Variants in PSMB3 observed in about 807,000 individuals in gnomAD.
The protein encoded by PSMB3 is proteasome subunit beta type-3.
A neutral mutation model predicts 23.3 loss-of-function variants in PSMB3; 5 were observed. That is an observed-to-expected ratio of 0.21 (90% CI 0.11 to 0.45). PSMB3 has a LOEUF of 0.45. Among genes scored for constraint, PSMB3 ranks in the 20% least tolerant of loss-of-function variants. PSMB3 has a pLI of 0.99. For missense variants in PSMB3, 192 were observed against 277.9 expected, an observed-to-expected ratio of 0.69 and a Z score of 2.20; for synonymous variants, 85 against 99.8, an observed-to-expected ratio of 0.85 and a Z score of 0.88.
Position 38,755,880 on chromosome 17 carries a change from C to A in PSMB3, c.189-3C>A, listed in dbSNP as rs1199370440. 1.2e-6 allele frequency: 2 copies of A among 1,613,354 alleles called. No individual in the cohort carries two copies. The highest frequency in any genetic ancestry group is 1.7e-6 in the Non-Finnish European group (2 of 1,179,394). On this transcript the variant is annotated splice_polypyrimidine_tract_variant and splice_region_variant and intron_variant, in intron 2 of 5. Coordinates refer to ENST00000619426, the MANE Select transcript of PSMB3 (RefSeq NM_002795.4). Reference sequence around the variant, plus strand: ...TTACTAACTCACTTTTCTCCTACCTCAGTGCCCAGCGCCTCAAGTTCCGGC... The same window carrying A: ...TTACTAACTCACTTTTCTCCTACCTAAGTGCCCAGCGCCTCAAGTTCCGGC...
At chr17:38,763,225 G>A (rs529790080) in intron 5 of PSMB3, among the ~76,000 whole-genome samples, 3 of 151,916 alleles carry the variant, frequency 2.0e-5, no homozygotes, top group African/African-American at 4.8e-5. Flanking sequence ...GTGGTGTCAC[G>A]TGCCTGTAAT....
rs1327176819 is a variant in PSMB3 at position 38,753,324 on chromosome 17, G to C, written c.178G>C (p.Val60Leu). Residue 60 changes from valine to leucine, a missense_variant, in exon 2 of 6, where the codon GTC becomes CTC. By Grantham distance (32) the Val-to-Leu change is conservative. Transcript: ENST00000619426. ...YIGLAGLATD[V>L]QTVAQRLKFR... ...CGGTCTGGCCGGGCTCGCCACTGAC[G>C]TCCAGACAGTGTAAGTTTCAAGGGT... 2 of 1,613,736 alleles carry C rather than the reference G, an allele frequency of 1.2e-6. No individual in the cohort carries two copies. The highest frequency in any genetic ancestry group is 8.5e-7 in the Non-Finnish European group (1 of 1,179,836).
rs767793578 is a variant in PSMB3, at chr17:38,764,215, CCTGT to C, written c.*51_*54del. 37 of 1,571,570 alleles carry C rather than the reference CCTGT, an allele frequency of 2.4e-5. No homozygotes were observed. The highest frequency in any genetic ancestry group is 2.3e-4 in the Admixed American group (13 of 55,402). ...TTTTTCTTTTTTTGAAATAAAATAGCCTGTCTTTCACTCCTGCTTTTGTCTTTGA... is the reference window on the plus strand; with the variant it reads ...TTTTTCTTTTTTTGAAATAAAATAGCCTTTCACTCCTGCTTTTGTCTTTGA... On this transcript the variant is annotated 3_prime_UTR_variant, in exon 6 of 6. Transcript: ENST00000619426.
chr17:38,753,443 T>C (rs1046429589), intron 2 of PSMB3, 109 bp downstream of exon 2: 6 of 1,188,848 alleles, frequency 5.0e-6, no homozygotes, highest in South Asian at 3.1e-5. Context: ...ACCAGTGAGT[T>C]TGAGACTTTG....
intron 2 of PSMB3, 144 bp downstream of exon 2, chr17:38,753,478 CCTTT>C: frequency 1.2e-6 from 1 of 836,822 alleles, no homozygotes; most frequent in Middle Eastern, 2.3e-4. Context: ...CATGTCCTTC[CCTTT>C]CTTTTTTTTT....
chr17:38,761,777 A>C (rs1296570263), intron 4 of PSMB3, among the ~76,000 whole-genome samples: 2 of 152,158 alleles, frequency 1.3e-5, no homozygotes, highest in Non-Finnish European at 2.9e-5. Context: ...TGCCATAGGA[A>C]CCTAGGGAAT....
intron 2 of PSMB3, among the ~76,000 whole-genome samples, chr17:38,755,069 G>A (rs1467265650): frequency 2.0e-5 from 3 of 150,488 alleles, no homozygotes; most frequent in Non-Finnish European, 4.4e-5. Context: ...CCGCCTCCAA[G>A]GCTCAAGTGA....
intron 3 of PSMB3, among the ~76,000 whole-genome samples, chr17:38,757,964 A>G (rs73295114): frequency 0.089 from 13,597 of 151,930 alleles, 2,063 homozygotes; most frequent in African/African-American, 0.31. Flanking sequence ...AACGAAAAAA[A>G]AAGTTAATAA....
chr17:38,755,002 CCT>C lies in PSMB3; in HGVS notation c.189-880_189-879del, dbSNP rs1491151416. Among the ~76,000 whole-genome samples the C allele has an allele frequency of 5.5e-4, 82 of 147,842 alleles. 1 individual carries two copies. Among genetic ancestry groups the C allele is most frequent in the Admixed American group, 2.5e-3 (38 of 14,910 alleles). On this transcript the variant is annotated intron_variant, in intron 2 of 5. Coordinates refer to ENST00000619426, the MANE Select transcript of PSMB3 (RefSeq NM_002795.4). Reference sequence around the variant, plus strand: ...CATAGCACAGCAGTTGGTGCTGCCCCCTTTTTTTTTTTTTTGTCACCCAGGCT... The same window carrying C: ...CATAGCACAGCAGTTGGTGCTGCCCCTTTTTTTTTTTTTGTCACCCAGGCT...
Position 38,753,775 on chromosome 17 carries a change from G to A in PSMB3, c.188+441G>A, listed in dbSNP as rs527764760. ...ATTACAGGCATGAGCCACCACACCT[G>A]GCCTGACTTTGATTTTGACAACAAT... On this transcript the variant is annotated intron_variant, in intron 2 of 5. Transcript: ENST00000619426. 6.6e-5 allele frequency among the ~76,000 whole-genome samples: 10 copies of A among 152,256 alleles called. No homozygotes were observed. In the South Asian group the frequency reaches 2.1e-3, roughly 32 times the overall value.
At chr17:38,757,417 G>A (rs1252050823) in intron 3 of PSMB3, among the ~76,000 whole-genome samples, 2 of 151,962 alleles carry the variant, frequency 1.3e-5, no homozygotes, top group Admixed American at 1.3e-4. Context: ...CACTCGGGAA[G>A]CTGAAGCATG....
Position 38,761,692 on chromosome 17 carries a change from G to T in PSMB3, c.475-719G>T, listed in dbSNP as rs191849320. Among the ~76,000 whole-genome samples the T allele has an allele frequency of 3.7e-4, 57 of 152,302 alleles. No individual in the cohort carries two copies. The East Asian group carries it at 8.7e-3, about 23-fold the overall frequency. On this transcript the variant is annotated intron_variant, in intron 4 of 5. Coordinates refer to ENST00000619426, the MANE Select transcript of PSMB3 (RefSeq NM_002795.4). ...CTGGAGTGTGGGTTAAACATGGGGA[G>T]AAATGATGCTGGAGACTGAGATGAG... is the stretch of plus-strand genomic sequence containing the variant.
intron 4 of PSMB3, 94 bp downstream of exon 4, chr17:38,760,702 A>G: frequency 7.1e-7 from 1 of 1,413,450 alleles, no homozygotes; most frequent in Non-Finnish European, 9.7e-7. Flanking sequence ...AATGGGGAGA[A>G]TGGTGCAGGT....
In PSMB3 at chr17:38,753,276, C is replaced by G; in HGVS notation, c.130C>G (p.Pro44Ala). The change falls in exon 2 of 6, where the codon CCC becomes GCC. Residue 44 changes from proline (P) to alanine (A), a missense_variant. By Grantham distance (27) the Pro-to-Ala change is conservative (BLOSUM62 -1). Transcript: ENST00000619426. The part of the protein sequence containing the change: ...MVTTDFQKIF[P>A]MGDRLYIGLA... ...GACCACGGACTTCCAGAAGATCTTT[C>G]CCATGGGTGACCGGCTGTACATCGG... The G allele has an allele frequency of 1.2e-6, 2 of 1,614,192 alleles. No individual in the cohort carries two copies. Among genetic ancestry groups the G allele is most frequent in the Non-Finnish European group, 1.7e-6 (2 of 1,180,030 alleles).
At chr17:38,753,483 CTTTT>C (rs35484180) in intron 2 of PSMB3, 149 bp downstream of exon 2, 30 of 637,278 alleles carry the variant, frequency 4.7e-5, no homozygotes, top group East Asian at 9.8e-5. Context: ...CCTTCCCTTT[CTTTT>C]TTTTTTTTTT....
At chr17:38,754,083 G>A (rs539517753) in intron 2 of PSMB3, among the ~76,000 whole-genome samples, 1 of 52,382 alleles carries the variant, frequency 1.9e-5, no homozygotes, top group South Asian at 5.2e-4. Flanking sequence ...GGTCCTGCAG[G>A]GTACTGGTGC....
chr17:38,763,999 C>A, intron 5 of PSMB3, 120 bp from the exon 6 acceptor site: 1 of 1,096,144 alleles, frequency 9.1e-7, no homozygotes, highest in East Asian at 2.4e-5. Context: ...CAGCGGGCAG[C>A]TATTTGTTCT....
intron 3 of PSMB3, 192 bp from the exon 4 acceptor site, chr17:38,760,239 A>G: frequency 1.7e-6 from 1 of 579,176 alleles, no homozygotes; most frequent in Non-Finnish European, 3.0e-6. Context: ...AGAAAGTGGA[A>G]AAGTCTTAGA....
chr17:38,762,404 T>C lies in PSMB3; in HGVS notation c.475-7T>C. On this transcript the variant is annotated splice_region_variant and splice_polypyrimidine_tract_variant and intron_variant, in intron 4 of 5. Coordinates refer to ENST00000619426, the MANE Select transcript of PSMB3 (RefSeq NM_002795.4). ...TGTGGTTTGAAGGGGTTCCACTCTG[T>C]TGGCAGGATCCGGATCACCTGTTTG... The C allele has an allele frequency of 1.2e-6, 2 of 1,613,280 alleles. No individual in the cohort carries two copies. Among genetic ancestry groups the C allele is most frequent in the Non-Finnish European group, 1.7e-6 (2 of 1,179,196 alleles).
Sources: gnomAD v4.1 joint callset for allele counts (sites outside exome capture counted in the v4.1 genomes callset) on GRCh38, gnomAD v4.1.1 for gene constraint, MANE v1.5 for transcripts, NCBI Gene and HGNC (gene_info 2026-07-23, HGNC 2026-07-21) for gene names.